The following NKAIN3 variants were observed in gnomAD, a reference collection of about 807,000 sequenced individuals.
NKAIN3 encodes the protein sodium/potassium transporting ATPase interacting 3.
Under a neutral mutation model 30.2 loss-of-function variants are expected in NKAIN3, and 25 were observed. That is an observed-to-expected ratio of 0.83 (90% confidence interval 0.60 to 1.16). The LOEUF is 1.16. Among genes scored for constraint, NKAIN3 ranks in the 50% most tolerant of loss-of-function variants. The pLI is 0.00. For synonymous variants in NKAIN3, 91 were observed against 89.6 expected, an observed-to-expected ratio of 1.02 and a Z score of -0.09; for missense variants, 225 against 254.1, an observed-to-expected ratio of 0.89 and a Z score of 0.78.
chr8:62,492,186 G>A (rs1199081985), intron 1 of NKAIN3, among the ~76,000 whole-genome samples: 1 of 152,068 alleles, frequency 6.6e-6, no homozygotes, highest in South Asian at 2.1e-4. Context: ...GCCGGGTCAG[G>A]GATTTTAGTA....
At chr8:62,731,337 A>G (rs1043420323) in intron 3 of NKAIN3, among the ~76,000 whole-genome samples, 13 of 152,096 alleles carry the variant, frequency 8.5e-5, no homozygotes, top group Non-Finnish European at 1.6e-4. Flanking sequence ...TTTAATTTCA[A>G]TAATACGGTA....
chr8:62,861,650 C>A (rs1411963107), intron 4 of NKAIN3, among the ~76,000 whole-genome samples: 1 of 152,238 alleles, frequency 6.6e-6, no homozygotes, highest in Non-Finnish European at 1.5e-5. Context: ...TTCTAGCCTG[C>A]TGCCTGAGCT....
chr8:62,926,855 G>T (rs867063034), intron 5 of NKAIN3, among the ~76,000 whole-genome samples: 1 of 152,036 alleles, frequency 6.6e-6, no homozygotes, highest in South Asian at 2.1e-4. Context: ...ATTTTGTCCC[G>T]TGGCTTTTGT....
chr8:62,617,548 C>T (rs544142016), intron 3 of NKAIN3, among the ~76,000 whole-genome samples: 1 of 152,278 alleles, frequency 6.6e-6, no homozygotes, highest in African/African-American at 2.4e-5. Context: ...CTGCTGGGTA[C>T]CAGGCAAATT....
chr8:62,627,662 A>G (rs962980985), intron 3 of NKAIN3, among the ~76,000 whole-genome samples: 1 of 152,114 alleles, frequency 6.6e-6, no homozygotes, highest in African/African-American at 2.4e-5. Context: ...ACCTTTCACA[A>G]CCGTTTTCAA....
chr8:62,372,135 C>T (rs1005151867), intron 1 of NKAIN3, among the ~76,000 whole-genome samples: 30 of 151,662 alleles, frequency 2.0e-4, no homozygotes, highest in African/African-American at 7.3e-4. Flanking sequence ...ACTTGGAGAT[C>T]CATCAGATTT....
intron 1 of NKAIN3, among the ~76,000 whole-genome samples, chr8:62,433,355 G>A (rs2034606): frequency 0.67 from 101,187 of 151,872 alleles, 34,625 homozygotes; most frequent in Non-Finnish European, 0.73. Flanking sequence ...GGAAAAAAAC[G>A]AAAACAATGC....
intron 1 of NKAIN3, among the ~76,000 whole-genome samples, chr8:62,281,163 C>T (rs77856880): frequency 6.6e-6 from 1 of 151,840 alleles, no homozygotes; most frequent in South Asian, 2.1e-4. Flanking sequence ...TATTTGCATA[C>T]AGGTGTTTAT....
At chr8:62,593,200 AG>A (rs1810711611) in intron 3 of NKAIN3, among the ~76,000 whole-genome samples, 1 of 152,034 alleles carries the variant, frequency 6.6e-6, no homozygotes, top group Non-Finnish European at 1.5e-5. Flanking sequence ...AGCAAGTCTC[AG>A]TAAATGTTGA....
At chr8:62,692,167 T>C (rs968032359) in intron 3 of NKAIN3, among the ~76,000 whole-genome samples, 2 of 152,188 alleles carry the variant, frequency 1.3e-5, no homozygotes, top group Admixed American at 1.3e-4. Context: ...TTTCTCATTC[T>C]GTTGGCCAGA....
intron 4 of NKAIN3, among the ~76,000 whole-genome samples, chr8:62,879,252 T>C (rs200058684): frequency 1.3e-5 from 2 of 152,032 alleles, no homozygotes; most frequent in African/African-American, 4.8e-5. Context: ...TTGCATTTCT[T>C]TGATGGCCAG....
intron 1 of NKAIN3, among the ~76,000 whole-genome samples, chr8:62,387,430 C>A (rs997219224): frequency 1.3e-5 from 2 of 151,962 alleles, no homozygotes; most frequent in African/African-American, 4.8e-5. Context: ...CAGCTGCTTT[C>A]TGCATGTAAA....
At chr8:62,729,344 G>A (rs761335822) in intron 3 of NKAIN3, among the ~76,000 whole-genome samples, 1 of 152,020 alleles carries the variant, frequency 6.6e-6, no homozygotes, top group African/African-American at 2.4e-5. Flanking sequence ...CTATTAGAAT[G>A]GCCAAATCCA....
rs191739454 is a variant in NKAIN3, at chr8:62,758,862, A to C, written c.471+11733A>C. 2.4e-4 allele frequency among the ~76,000 whole-genome samples: 37 copies of C among 152,352 alleles called. No individual in the cohort carries two copies. The East Asian group carries it at 5.2e-3, about 21-fold the overall frequency. The stretch of plus-strand genomic sequence containing the variant: ...GGGAAATTAGAGACAGAATTATCCA[A>C]ATAATTCACAAGAATCCCAATATGA... On this transcript the variant is annotated intron_variant, in intron 4 of 6. Transcript: ENST00000623646.
intron 3 of NKAIN3, among the ~76,000 whole-genome samples, chr8:62,620,147 C>T (rs543121417): frequency 6.6e-6 from 1 of 152,070 alleles, no homozygotes; most frequent in Non-Finnish European, 1.5e-5. Flanking sequence ...TGATAGGACA[C>T]AGGGGTATGC....
chr8:62,456,212 G>A (rs1209479347), intron 1 of NKAIN3, among the ~76,000 whole-genome samples: 4 of 152,186 alleles, frequency 2.6e-5, no homozygotes, highest in Admixed American at 6.5e-5. Context: ...AGGAACTACA[G>A]TACTAGAAGT....
intron 4 of NKAIN3, among the ~76,000 whole-genome samples, chr8:62,815,724 A>G (rs1049297417): frequency 6.6e-6 from 1 of 152,132 alleles, no homozygotes; most frequent in Non-Finnish European, 1.5e-5. Context: ...CTATCTCAAA[A>G]TAATAAGAGC....
At chr8:62,333,544 T>C (rs1440890382) in intron 1 of NKAIN3, among the ~76,000 whole-genome samples, 3 of 152,084 alleles carry the variant, frequency 2.0e-5, no homozygotes, top group Non-Finnish European at 4.4e-5. Flanking sequence ...CACATTTCTC[T>C]CGTTGTTTTA....
chr8:62,862,424 T>A (rs1365832291), intron 4 of NKAIN3, among the ~76,000 whole-genome samples: 2 of 151,930 alleles, frequency 1.3e-5, no homozygotes, highest in African/African-American at 2.4e-5. Flanking sequence ...ATATTTAAAA[T>A]TAAAAAGATT....
Sources: gnomAD v4.1 joint callset for allele counts (sites outside exome capture counted in the v4.1 genomes callset) on GRCh38, gnomAD v4.1.1 for gene constraint, MANE v1.5 for transcripts, NCBI Gene and HGNC (gene_info 2026-07-23, HGNC 2026-07-21) for gene names.